Variants in MCTP2 observed in about 807,000 individuals in gnomAD.
MCTP2 encodes the protein multiple C2 and transmembrane domain containing 2.
In MCTP2, 132 loss-of-function variants were observed where a neutral mutation model predicts 111.6. That is an observed-to-expected ratio of 1.18 (90% CI 1.03 to 1.37). MCTP2 has a LOEUF of 1.37. Ranked by LOEUF, MCTP2 falls within the 40% of genes most tolerant of loss-of-function variation. The pLI, the probability that MCTP2 is intolerant of heterozygous loss-of-function variation, is 0.00. For missense variants in MCTP2, 1,183 were observed against 1,067.9 expected (o/e 1.11, Z -1.50); for synonymous variants, 395 against 387.7 (o/e 1.02, Z -0.22).
chr15:94,480,482 A>G lies in MCTP2; in HGVS notation c.*1448A>G, dbSNP rs537487202. ...CTGAGCCAGAATTCTGCATGATTTGATTTACTTCAAGTTAATGAAGCTGGC... is the reference window on the plus strand; with the variant it reads ...CTGAGCCAGAATTCTGCATGATTTGGTTTACTTCAAGTTAATGAAGCTGGC... On this transcript the variant is annotated 3_prime_UTR_variant, in exon 23 of 23. Transcript: ENST00000357742. 6.6e-6 allele frequency: 1 copy of G among 152,298 alleles called. No homozygotes were observed. Among genetic ancestry groups the G allele is most frequent in the South Asian group, 2.1e-4 (1 of 4,820 alleles). 9.4% of individuals were successfully genotyped at this position (152,298 alleles called of 1,614,324 possible). A position where few individuals can be genotyped will look rare whatever the true frequency, so the allele number is the denominator to read the frequency against.
chr15:94,236,369 TTTTTTTTC>T (rs1596117784), intron 1 of MCTP2, among the ~76,000 whole-genome samples: 3 of 135,634 alleles, frequency 2.2e-5, no homozygotes, highest in East Asian at 4.3e-4. Flanking sequence ...CAATCCTTTC[TTTTTTTTC>T]TTTTTTTTTT....
chr15:94,437,933 G>T (rs1358828564), intron 17 of MCTP2, among the ~76,000 whole-genome samples: 1 of 151,308 alleles, frequency 6.6e-6, no homozygotes, highest in Non-Finnish European at 1.5e-5. Flanking sequence ...GTTCACATTG[G>T]ATTGCCTGAG....
chr15:94,447,379 G>T (rs1052614373), intron 19 of MCTP2, among the ~76,000 whole-genome samples: 1 of 152,004 alleles, frequency 6.6e-6, no homozygotes, highest in African/African-American at 2.4e-5. Flanking sequence ...TCATTTGTGT[G>T]TGTGTGTGTG....
chr15:94,466,944 C>CAAAACTCTACCAGATATCA (rs1161678392), intron 20 of MCTP2, among the ~76,000 whole-genome samples: 2 of 152,014 alleles, frequency 1.3e-5, no homozygotes, highest in Admixed American at 1.3e-4. Context: ...GTATTATTTT[C>CAAAACTCTACCAGATATCA]AAAACTCTAC....
rs1430858213 is a variant in MCTP2, at chr15:94,303,083, ATATATAGTT to A, written c.465+4369_465+4377del. Among the ~76,000 whole-genome samples the A allele has an allele frequency of 8.7e-3, 1,221 of 139,592 alleles. 22 individuals carry two copies. Among genetic ancestry groups the A allele is most frequent in the African/African-American group, 0.03 (1,146 of 38,102 alleles). The allele number at this position is 139,592 out of a possible 152,430, so 91.6% of individuals were successfully genotyped here. A position where few individuals can be genotyped will look rare whatever the true frequency, so the allele number is the denominator to read the frequency against. ...TGGAATATATATATATAGTTTATAT[ATATATAGTT>A]TATATAGTTTATATATATATATAGT... On this transcript the variant is annotated intron_variant, in intron 2 of 22. Transcript: ENST00000357742.
At chr15:94,268,462 G>A (rs951403998) in intron 1 of MCTP2, among the ~76,000 whole-genome samples, 2 of 151,978 alleles carry the variant, frequency 1.3e-5, no homozygotes, top group African/African-American at 4.8e-5. Flanking sequence ...AAAGTGCTGG[G>A]ACTACAGGCA....
chr15:94,382,767 C>T (rs1056156652), intron 12 of MCTP2, among the ~76,000 whole-genome samples: 1 of 152,272 alleles, frequency 6.6e-6, no homozygotes. Context: ...AGCGTCTGTC[C>T]TTGTGCCCCC....
At chr15:94,300,080 A>C (rs747963955) in intron 2 of MCTP2, among the ~76,000 whole-genome samples, 1 of 152,236 alleles carries the variant, frequency 6.6e-6, no homozygotes, top group Admixed American at 6.5e-5. Context: ...CTGTTGAATT[A>C]TATAATAAAG....
chr15:94,385,552 T>A (rs1233683674), intron 14 of MCTP2, 27 bp downstream of exon 14: 3 of 1,467,124 alleles, frequency 2.0e-6, no homozygotes, highest in Middle Eastern at 1.7e-4. Context: ...AATAAACAAT[T>A]TGTGAGTCAT....
chr15:94,266,356 G>A (rs1321997522), intron 1 of MCTP2, among the ~76,000 whole-genome samples: 1 of 151,984 alleles, frequency 6.6e-6, no homozygotes, highest in Non-Finnish European at 1.5e-5. Context: ...ATAATTATTT[G>A]TCTGTCTCCT....
At chr15:94,397,702 C>G (rs938348744) in intron 14 of MCTP2, among the ~76,000 whole-genome samples, 1 of 152,128 alleles carries the variant, frequency 6.6e-6, no homozygotes, top group African/African-American at 2.4e-5. Context: ...ATTGCTGTTT[C>G]CCCCCATGAC....
At chr15:94,248,848 C>T (rs1222482516) in intron 1 of MCTP2, among the ~76,000 whole-genome samples, 2 of 152,312 alleles carry the variant, frequency 1.3e-5, no homozygotes, top group East Asian at 3.9e-4. Flanking sequence ...TAAACCCTGC[C>T]ACGGTGGCTT....
At chr15:94,424,455 A>G (rs1486037996) in intron 17 of MCTP2, among the ~76,000 whole-genome samples, 6 of 152,176 alleles carry the variant, frequency 3.9e-5, no homozygotes, top group Admixed American at 3.9e-4. Context: ...TCAGGAATGC[A>G]GTTTCTTGGG....
intron 10 of MCTP2, among the ~76,000 whole-genome samples, chr15:94,366,914 A>G (rs1395511241): frequency 1.3e-5 from 2 of 152,204 alleles, no homozygotes; most frequent in South Asian, 2.1e-4. Flanking sequence ...CAACATCCCC[A>G]GAACATTGGC....
At chr15:94,348,366 C>G (rs894137902) in intron 8 of MCTP2, among the ~76,000 whole-genome samples, 1 of 133,762 alleles carries the variant, frequency 7.5e-6, no homozygotes, top group Admixed American at 7.4e-5. Flanking sequence ...TCTCCATCCC[C>G]CTTCTCTCTC....
chr15:94,399,500 A>C (rs1325028162), intron 15 of MCTP2: 1 of 170,644 alleles, frequency 5.9e-6, no homozygotes, highest in Non-Finnish European at 1.2e-5. Flanking sequence ...GGGTCATTGA[A>C]AGGAAATAAA....
Position 94,399,951 on chromosome 15 carries a change from C to G in MCTP2, c.1921C>G (p.Arg641Gly). Residue 641 changes from arginine (R) to glycine (G), a missense_variant, in exon 16 of 23, where the codon CGG becomes GGG. Transcript: ENST00000357742. Reference protein sequence around the residue: ...VKASIRTFTPREKRFVEDSRK... With the variant: ...VKASIRTFTPGEKRFVEDSRK... The stretch of plus-strand genomic sequence containing the variant: ...AGCAAGTATTAGGACTTTTACTCCC[C>G]GGGAAAAGCGCTTTGTTGAAGACAG... The G allele has an allele frequency of 6.2e-7, 1 of 1,613,868 alleles. No individual in the cohort carries two copies. The highest frequency in any genetic ancestry group is 1.1e-5 in the South Asian group (1 of 91,064).
At chr15:94,261,008 T>C (rs1488826210) in intron 1 of MCTP2, among the ~76,000 whole-genome samples, 1 of 152,168 alleles carries the variant, frequency 6.6e-6, no homozygotes, top group Non-Finnish European at 1.5e-5. Flanking sequence ...GTCCACAACC[T>C]TTTATCATGA....
intron 1 of MCTP2, among the ~76,000 whole-genome samples, chr15:94,290,522 A>G (rs1003029496): frequency 6.6e-6 from 1 of 152,240 alleles, no homozygotes; most frequent in Non-Finnish European, 1.5e-5. Flanking sequence ...CAAGAAGGAA[A>G]TGATAAAATG....
Sources: allele counts gnomAD v4.1 joint callset (sites outside exome capture counted in the v4.1 genomes callset), GRCh38; gene constraint gnomAD v4.1.1; transcripts MANE v1.5; gene names NCBI Gene and HGNC (gene_info 2026-07-23, HGNC 2026-07-21).